Variants in ATP2B2 observed in about 807,000 individuals in gnomAD.
ATP2B2 encodes the protein ATPase plasma membrane Ca2+ transporting 2, also known as plasma membrane calcium-transporting ATPase 2.
A neutral mutation model predicts 120.0 loss-of-function variants in ATP2B2; 15 were observed. That is an observed-to-expected ratio of 0.12 (90% CI 0.08 to 0.19). The LOEUF (loss-of-function observed/expected upper bound fraction) is 0.19, where lower values mean the gene tolerates loss of function less well. ATP2B2 is among the 10% of genes least tolerant of loss of function. The pLI, the probability that ATP2B2 is intolerant of heterozygous loss-of-function variation, is 1.00. For missense variants in ATP2B2, 1,045 were observed against 1,719.8 expected, an observed-to-expected ratio of 0.61 and a Z score of 6.94; for synonymous variants, 694 against 700.3, an observed-to-expected ratio of 0.99 and a Z score of 0.14.
intron 3 of ATP2B2, among the ~76,000 whole-genome samples, chr3:10,517,035 G>C (rs990515243): frequency 1.3e-5 from 2 of 152,116 alleles, no homozygotes; most frequent in Non-Finnish European, 2.9e-5. Context: ...TCCTGTACAG[G>C]TTTTTATCAT....
Position 10,326,452 on chromosome 3 carries a change from A to C in ATP2B2, c.*2362T>G. 2.8e-6 allele frequency: 1 copy of C among 352,706 alleles called. No homozygotes were observed. The highest frequency in any genetic ancestry group is 5.1e-6 in the Non-Finnish European group (1 of 197,192). 21.8% of individuals were successfully genotyped at this position (352,706 alleles called of 1,614,324 possible). A position where few individuals can be genotyped will look rare whatever the true frequency, so the allele number is the denominator to read the frequency against. On this transcript the variant is annotated 3_prime_UTR_variant, in exon 23 of 23. Transcript: ENST00000360273. The stretch of plus-strand genomic sequence containing the variant: ...TGGAGCATGGTGTGCAAACACAGCT[A>C]TCCTGATGTCATGGAACGAGGTCAC...
At position 10,331,913 on chromosome 3, in the gene ATP2B2, G is replaced by A. The variant is rs930286205; in HGVS notation, c.3421-2788C>T. 60 of 1,452,318 alleles carry A rather than the reference G, an allele frequency of 4.1e-5. No individual in the cohort carries two copies. The East Asian group carries it at 6.2e-4, about 15-fold the overall frequency. The allele number at this position is 1,452,318 out of a possible 1,614,324, so 90.0% of individuals were successfully genotyped here. A position where few individuals can be genotyped will look rare whatever the true frequency, so the allele number is the denominator to read the frequency against. On this transcript the variant is annotated intron_variant, in intron 22 of 22. Transcript: ENST00000360273. The stretch of plus-strand genomic sequence containing the variant: ...GTTCTACATACTCGAATGTTTACCC[G>A]GCTTCAAGGAAGCCAAGAGTCTGGG...
Position 10,396,260 on chromosome 3 carries a change from G to A in ATP2B2, c.781+4693C>T, listed in dbSNP as rs148261384. 1.1e-3 allele frequency among the ~76,000 whole-genome samples: 175 copies of A among 152,366 alleles called. 6 individuals carry two copies. The South Asian group carries it at 0.027, about 24-fold the overall frequency. ...AGGACAGTCACACGTGTGCATGCCT[G>A]TGGTCCCCACAACAGCCCTGTGGGG... On this transcript the variant is annotated intron_variant, in intron 5 of 22. Coordinates refer to ENST00000360273, the MANE Select transcript of ATP2B2 (RefSeq NM_001001331.4).
intron 3 of ATP2B2, among the ~76,000 whole-genome samples, chr3:10,409,776 A>G (rs1015656149): frequency 2.6e-5 from 4 of 152,158 alleles, no homozygotes; most frequent in African/African-American, 7.2e-5. Context: ...CCATAATGTT[A>G]TTTCTTATGT....
chr3:10,666,520 C>T (rs1005037738), intron 1 of ATP2B2, among the ~76,000 whole-genome samples: 7 of 152,366 alleles, frequency 4.6e-5, no homozygotes, highest in East Asian at 1.9e-4. Context: ...TCTTCCAGGA[C>T]GCCTGCCCAG....
chr3:10,607,027 C>T (rs2069106707), intron 2 of ATP2B2, among the ~76,000 whole-genome samples: 1 of 150,378 alleles, frequency 6.6e-6, no homozygotes, highest in South Asian at 2.1e-4. Context: ...AGACTGTTCC[C>T]ATCAACCTTT....
chr3:10,675,488 T>C (rs1373961319), intron 1 of ATP2B2, among the ~76,000 whole-genome samples: 4 of 152,226 alleles, frequency 2.6e-5, no homozygotes, highest in Non-Finnish European at 4.4e-5. Flanking sequence ...AGGCCACATA[T>C]GTTTTCAGCC....
In ATP2B2 at chr3:10,334,362, C is replaced by T. The variant is rs117811790; in HGVS notation, c.3420+3814G>A. Among the ~76,000 whole-genome samples the T allele has an allele frequency of 9.2e-5, 14 of 152,266 alleles. No individual in the cohort carries two copies. The East Asian group carries it at 1.9e-3, about 21-fold the overall frequency. The stretch of plus-strand genomic sequence containing the variant: ...TTCTTCCCCATGTAGCTCTCCCTGC[C>T]GGGACACTTGGTTACCGCACCTCAG... On this transcript the variant is annotated intron_variant, in intron 22 of 22. Transcript: ENST00000360273.
intron 1 of ATP2B2, among the ~76,000 whole-genome samples, chr3:10,476,378 C>T (rs1434914055): frequency 6.6e-6 from 1 of 152,180 alleles, no homozygotes; most frequent in Non-Finnish European, 1.5e-5. Flanking sequence ...AAAATCAAGG[C>T]CTAGTAGGAC....
intron 2 of ATP2B2, among the ~76,000 whole-genome samples, chr3:10,561,369 G>A (rs1202101826): frequency 6.6e-6 from 1 of 152,184 alleles, no homozygotes; most frequent in Non-Finnish European, 1.5e-5. Context: ...ATGTTGCATG[G>A]CATCATACTG....
chr3:10,340,076 C>T lies in ATP2B2; in HGVS notation c.3237+166G>A, dbSNP rs540525839. ...AAAAATCAGAGCAGTAGTACCCAGA[C>T]GACCAGTATAGGACCTGGGACAAAC... is the stretch of plus-strand genomic sequence containing the variant. On this transcript the variant is annotated intron_variant, in intron 21 of 22. Transcript: ENST00000360273. The surrounding 1 kb of genome is among the most constrained non-coding windows in gnomAD (Gnocchi z 5.0). Among the ~76,000 whole-genome samples the T allele has an allele frequency of 2.0e-5, 3 of 152,348 alleles. No homozygotes were observed. Among genetic ancestry groups the T allele is most frequent in the East Asian group, 3.9e-4 (2 of 5,180 alleles).
intron 3 of ATP2B2, among the ~76,000 whole-genome samples, chr3:10,510,876 A>G (rs1443423232): frequency 6.6e-6 from 1 of 152,028 alleles, no homozygotes; most frequent in East Asian, 1.9e-4. Flanking sequence ...CCGCCCATCA[A>G]TCCTGACTCC....
intron 3 of ATP2B2, among the ~76,000 whole-genome samples, chr3:10,410,337 A>T (rs1286722816): frequency 6.6e-6 from 1 of 152,186 alleles, no homozygotes; most frequent in African/African-American, 2.4e-5. Context: ...TCAGGGCGAC[A>T]TCTCAGCCCA....
chr3:10,343,105 G>C lies in ATP2B2; in HGVS notation c.2704-140C>G. 2.4e-6 allele frequency: 2 copies of C among 829,414 alleles called. No homozygotes were observed. Among genetic ancestry groups the C allele is most frequent in the Non-Finnish European group, 3.9e-6 (2 of 519,476 alleles). The allele number at this position is 829,414 out of a possible 1,614,324, so 51.4% of individuals were successfully genotyped here. ...GCCCCTTGGCTCCCCAGCAGGCATG[G>C]AGTTGTTCTCTGATGCCTTCTCTGG... On this transcript the variant is annotated intron_variant, in intron 18 of 22. Coordinates refer to ENST00000360273, the MANE Select transcript of ATP2B2 (RefSeq NM_001001331.4). The surrounding 1 kb of genome is among the most constrained non-coding windows in gnomAD (Gnocchi z 4.2).
In ATP2B2 at chr3:10,583,474, T is replaced by C. The variant is rs149366961; in HGVS notation, c.-415+36443A>G. Among the ~76,000 whole-genome samples the C allele has an allele frequency of 6.6e-3, 1,000 of 152,312 alleles. 8 individuals are homozygous for C. The highest frequency in any genetic ancestry group is 0.011 in the Non-Finnish European group (771 of 68,022). On this transcript the variant is annotated intron_variant, in intron 2 of 21. Coordinates refer to the ATP2B2 transcript ENST00000646379. The stretch of plus-strand genomic sequence containing the variant: ...CTGTTTGTCCTAGCCTGAGCAGGTA[T>C]AGATCCTTTACCTGGGACCTCTCTC...
chr3:10,477,569 T>G (rs181083468), intron 1 of ATP2B2, among the ~76,000 whole-genome samples: 5 of 152,340 alleles, frequency 3.3e-5, no homozygotes, highest in Admixed American at 3.3e-4. Flanking sequence ...TCCCATCCAC[T>G]GGCACATGCA....
chr3:10,349,278 C>T (rs1218040348), intron 16 of ATP2B2, among the ~76,000 whole-genome samples: 1 of 152,090 alleles, frequency 6.6e-6, no homozygotes, highest in African/African-American at 2.4e-5. Context: ...TATAGTGAGA[C>T]CCTGTCTCTA....
intron 1 of ATP2B2, among the ~76,000 whole-genome samples, chr3:10,673,524 G>T (rs2071166852): frequency 6.6e-6 from 1 of 151,762 alleles, no homozygotes; most frequent in Non-Finnish European, 1.5e-5. Context: ...GAGAGGCCAG[G>T]CATGGTGGTG....
intron 1 of ATP2B2, among the ~76,000 whole-genome samples, chr3:10,471,672 G>A (rs73020751): frequency 0.13 from 19,578 of 151,932 alleles, 1,742 homozygotes; most frequent in East Asian, 0.29. Context: ...GGCAAGGAAG[G>A]TGACGAATAT....
Sources: allele counts gnomAD v4.1 joint callset (sites outside exome capture counted in the v4.1 genomes callset), GRCh38; gene constraint gnomAD v4.1.1; non-coding constraint Gnocchi (gnomAD v3.1); transcripts MANE v1.5; gene names NCBI Gene and HGNC (gene_info 2026-07-23, HGNC 2026-07-21).